NFIA: variants seen among roughly 807,000 people sequenced by gnomAD.
NFIA encodes nuclear factor I A.
In NFIA, 8 loss-of-function variants were observed where a neutral mutation model predicts 62.8. The observed-to-expected ratio is 0.13, with a 90% CI of 0.07 to 0.23. The LOEUF (loss-of-function observed/expected upper bound fraction) is 0.23, where lower values mean the gene tolerates loss of function less well. NFIA is among the 10% of genes least tolerant of loss of function. The pLI is 1.00. For missense variants in NFIA, 410 were observed against 642.1 expected (o/e 0.64, Z 3.91); for synonymous variants, 235 against 238.1 (o/e 0.99, Z 0.12).
intron 2 of NFIA, among the ~76,000 whole-genome samples, chr1:61,197,719 T>C (rs12024053): frequency 0.33 from 49,531 of 151,600 alleles, 9,273 homozygotes; most frequent in East Asian, 0.57. Context: ...CGGTGGCTCA[T>C]GCCTGTAATC....
intron 2 of NFIA, among the ~76,000 whole-genome samples, chr1:61,218,435 C>G (rs528568101): frequency 1.1e-4 from 16 of 152,276 alleles, no homozygotes; most frequent in African/African-American, 3.9e-4. Context: ...ATGATAAAAT[C>G]CACGGATGCT....
At chr1:61,137,313 A>G in intron 2 of NFIA, among the ~76,000 whole-genome samples, 1 of 152,140 alleles carries the variant, frequency 6.6e-6, no homozygotes, top group Admixed American at 6.5e-5. Context: ...TTACTGACCT[A>G]ATTTTGCAGA....
intron 3 of NFIA, among the ~76,000 whole-genome samples, chr1:61,305,991 G>A (rs1360541168): frequency 6.6e-6 from 1 of 151,844 alleles, no homozygotes; most frequent in East Asian, 1.9e-4. Context: ...GGGACTACAG[G>A]CACACACCAC....
intron 2 of NFIA, among the ~76,000 whole-genome samples, chr1:61,127,406 G>A (rs1646995099): frequency 6.6e-6 from 1 of 151,214 alleles, no homozygotes; most frequent in Non-Finnish European, 1.5e-5. Context: ...GCAGTGAGCT[G>A]AGATCGCATC....
At chr1:61,341,558 A>T (rs941407823) in intron 4 of NFIA, among the ~76,000 whole-genome samples, 2 of 149,936 alleles carry the variant, frequency 1.3e-5, no homozygotes, top group Non-Finnish European at 2.9e-5. Context: ...GGCTCCCTGT[A>T]ACTCCACCTC....
intron 9 of NFIA, among the ~76,000 whole-genome samples, chr1:61,422,000 G>A (rs765107021): frequency 5.2e-4 from 79 of 152,172 alleles, no homozygotes; most frequent in Non-Finnish European, 9.7e-4. Context: ...GGTGGCTCAC[G>A]CCTGTAATCC....
chr1:61,115,633 A>G lies in NFIA; in HGVS notation c.559+26953A>G, dbSNP rs149072979. 2.0e-3 allele frequency among the ~76,000 whole-genome samples: 298 copies of G among 152,322 alleles called. 5 individuals carry two copies. Among genetic ancestry groups the G allele is most frequent in the Admixed American group, 0.017 (257 of 15,302 alleles). ...ACGTGGAGGCAGAGCACACATGCAT[A>G]GAGTGTGTAATGCTTCACTTCCATC... is the stretch of plus-strand genomic sequence containing the variant. On this transcript the variant is annotated intron_variant, in intron 2 of 10. Coordinates refer to ENST00000403491, the MANE Select transcript of NFIA (RefSeq NM_001134673.4).
chr1:61,099,860 G>A (rs1006505623), intron 2 of NFIA, among the ~76,000 whole-genome samples: 11 of 152,130 alleles, frequency 7.2e-5, no homozygotes, highest in African/African-American at 2.7e-4. Flanking sequence ...TTAGGTAGGG[G>A]AGCTTTTATG....
intron 2 of NFIA, among the ~76,000 whole-genome samples, chr1:61,102,238 T>C (rs754710665): frequency 5.9e-5 from 9 of 152,244 alleles, no homozygotes; most frequent in Non-Finnish European, 1.0e-4. Flanking sequence ...CAGATTTCTT[T>C]GTCTAACAGT....
rs772919318 is a variant in NFIA, at chr1:61,455,390, A to G, written c.*70A>G. On this transcript the variant is annotated 3_prime_UTR_variant, in exon 11 of 11. Coordinates refer to ENST00000403491, the MANE Select transcript of NFIA (RefSeq NM_001134673.4). ...TTCTCAACTCTGTAACATGGACGCA[A>G]CCTCAACCCAGCGCAGTTACAACTT... is the stretch of plus-strand genomic sequence containing the variant. The G allele has an allele frequency of 1.2e-5, 20 of 1,613,406 alleles. No homozygotes were observed. In the East Asian group the frequency reaches 3.6e-4, roughly 29 times the overall value.
chr1:61,130,256 C>T (rs192552117), intron 2 of NFIA, among the ~76,000 whole-genome samples: 95 of 152,182 alleles, frequency 6.2e-4, no homozygotes, highest in African/African-American at 2.2e-3. Flanking sequence ...TGTTACCTCT[C>T]AGACTGTTAG....
chr1:61,395,774 G>A (rs1202978486), intron 7 of NFIA, among the ~76,000 whole-genome samples: 1 of 152,118 alleles, frequency 6.6e-6, no homozygotes, highest in African/African-American at 2.4e-5. Flanking sequence ...GACAAAGGCT[G>A]GGGCTGTATT....
chr1:61,349,752 A>T (rs35688418), intron 4 of NFIA, among the ~76,000 whole-genome samples: 15,837 of 151,698 alleles, frequency 0.1, 972 homozygotes, highest in Middle Eastern at 0.19. Context: ...TTTAATTTTT[A>T]AAAAAAATAT....
chr1:61,379,992 A>G (rs930184575), intron 6 of NFIA, among the ~76,000 whole-genome samples: 7 of 152,194 alleles, frequency 4.6e-5, no homozygotes, highest in South Asian at 2.1e-4. Context: ...CTAGAATCCC[A>G]TATATGTTTG....
chr1:61,224,842 G>A (rs1360327510), intron 2 of NFIA, among the ~76,000 whole-genome samples: 1 of 152,098 alleles, frequency 6.6e-6, no homozygotes, highest in Non-Finnish European at 1.5e-5. Context: ...CTCTTAAGTG[G>A]TACTACTTGC....
chr1:61,377,764 A>T (rs1042584618), intron 6 of NFIA, among the ~76,000 whole-genome samples: 1 of 152,232 alleles, frequency 6.6e-6, no homozygotes, highest in Non-Finnish European at 1.5e-5. Flanking sequence ...CCTGCGACAG[A>T]CAAGATAAGG....
At chr1:61,184,158 CA>C (rs1409631150) in intron 2 of NFIA, among the ~76,000 whole-genome samples, 1 of 124,878 alleles carries the variant, frequency 8.0e-6, no homozygotes, top group Non-Finnish European at 1.7e-5. Flanking sequence ...AAAAACAAAA[CA>C]AAACAAAAAA....
At chr1:61,265,854 T>C (rs1657128551) in intron 2 of NFIA, among the ~76,000 whole-genome samples, 1 of 152,196 alleles carries the variant, frequency 6.6e-6, no homozygotes, top group South Asian at 2.1e-4. Context: ...AAAATAAACA[T>C]TTGCAACTGT....
intron 3 of NFIA, among the ~76,000 whole-genome samples, chr1:61,284,195 G>A (rs762724289): frequency 3.9e-5 from 6 of 152,134 alleles, no homozygotes; most frequent in Admixed American, 6.5e-5. Flanking sequence ...AACTCAGGGA[G>A]ACATTAAAAC....
Sources: allele counts gnomAD v4.1 joint callset (sites outside exome capture counted in the v4.1 genomes callset), GRCh38; gene constraint gnomAD v4.1.1; transcripts MANE v1.5; gene names NCBI Gene and HGNC (gene_info 2026-07-23, HGNC 2026-07-21).